Variants in NALF1 observed in about 807,000 individuals in gnomAD.
NALF1 encodes the protein family with sequence similarity 155 member A.
Under a neutral mutation model 48.4 loss-of-function variants are expected in NALF1, and 3 were observed. The observed-to-expected ratio is 0.06, with a 90% CI of 0.03 to 0.16. The LOEUF (loss-of-function observed/expected upper bound fraction) is 0.16, where lower values mean the gene tolerates loss of function less well. NALF1 is among the 10% of genes least tolerant of loss of function. NALF1 has a pLI of 1.00. For synonymous variants in NALF1, 262 were observed against 245.7 expected (o/e 1.07, Z -0.62); for missense variants, 526 against 571.5 (o/e 0.92, Z 0.81).
chr13:107,653,128 C>T lies in NALF1; in HGVS notation c.915+212554G>A, dbSNP rs529154880. ...TTAGACTACCATGAACAAAAATGAACATTTTTAAGTATTTGTAAGAACATG... is the reference window on the plus strand; with the variant it reads ...TTAGACTACCATGAACAAAAATGAATATTTTTAAGTATTTGTAAGAACATG... On this transcript the variant is annotated intron_variant, in intron 1 of 2. Coordinates refer to ENST00000375915, the MANE Select transcript of NALF1 (RefSeq NM_001080396.3). Among the ~76,000 whole-genome samples, 12 of 149,932 alleles carry T rather than the reference C, an allele frequency of 8.0e-5. No homozygotes were observed. The South Asian group carries it at 2.5e-3, about 31-fold the overall frequency.
intron 1 of NALF1, among the ~76,000 whole-genome samples, chr13:107,723,584 G>T (rs576645685): frequency 6.6e-6 from 1 of 152,270 alleles, no homozygotes; most frequent in East Asian, 1.9e-4. Context: ...ATAAGAAAAA[G>T]TCATCAGGAG....
chr13:107,358,928 A>G (rs1206147892), intron 1 of NALF1, among the ~76,000 whole-genome samples: 3 of 152,132 alleles, frequency 2.0e-5, no homozygotes, highest in Non-Finnish European at 4.4e-5. Flanking sequence ...TGAAAATGCC[A>G]CTGTTTTTTG....
intron 1 of NALF1, among the ~76,000 whole-genome samples, chr13:107,650,189 G>A (rs1880414227): frequency 6.6e-6 from 1 of 152,032 alleles, no homozygotes; most frequent in African/African-American, 2.4e-5. Context: ...ATAAGGTAAA[G>A]TCATTACAGA....
rs1185374109 is a variant in NALF1 at position 107,725,581 on chromosome 13, C to T, written c.915+140101G>A. ...CAAAAATTACCTGGGCGCAGAGGCG[C>T]ACGCCTGTAGTCCCAGCTACTTGAA... On this transcript the variant is annotated intron_variant, in intron 1 of 2. Coordinates refer to ENST00000375915, the MANE Select transcript of NALF1 (RefSeq NM_001080396.3). 2.6e-5 allele frequency among the ~76,000 whole-genome samples: 4 copies of T among 152,102 alleles called. No individual in the cohort carries two copies. The East Asian group carries it at 7.8e-4, about 30-fold the overall frequency.
At chr13:107,783,000 C>T (rs1169484581) in intron 1 of NALF1, among the ~76,000 whole-genome samples, 23 of 148,090 alleles carry the variant, frequency 1.6e-4, no homozygotes, top group Middle Eastern at 3.6e-3. Context: ...CCAGCCGCCC[C>T]GTCCGGGAGG....
At chr13:107,638,201 A>ATATATATATATGTATG (rs372122331) in intron 1 of NALF1, among the ~76,000 whole-genome samples, 10,330 of 110,736 alleles carry the variant, frequency 0.093, 1,213 homozygotes, top group East Asian at 0.36. Flanking sequence ...ATATATATAT[A>ATATATATATATGTATG]TATATAATTT....
At chr13:107,432,769 T>C (rs1219020622) in intron 1 of NALF1, among the ~76,000 whole-genome samples, 2 of 152,218 alleles carry the variant, frequency 1.3e-5, no homozygotes, top group Non-Finnish European at 2.9e-5. Context: ...CTGTTACCTA[T>C]GCTATCTTCA....
chr13:107,534,087 T>A (rs1364546404), intron 1 of NALF1, among the ~76,000 whole-genome samples: 2 of 151,974 alleles, frequency 1.3e-5, no homozygotes, highest in Non-Finnish European at 2.9e-5. Flanking sequence ...AAAAATGTGG[T>A]CATTGGCCCA....
intron 1 of NALF1, among the ~76,000 whole-genome samples, chr13:107,615,202 A>G (rs1034349329): frequency 9.2e-5 from 14 of 152,170 alleles, no homozygotes; most frequent in African/African-American, 2.7e-4. Flanking sequence ...TTATACATTC[A>G]TATTTTTTTC....
chr13:107,577,421 T>G (rs143652664), intron 1 of NALF1, among the ~76,000 whole-genome samples: 1 of 152,102 alleles, frequency 6.6e-6, no homozygotes, highest in African/African-American at 2.4e-5. Flanking sequence ...GAGACTAGCA[T>G]GCAAAACCAG....
intron 1 of NALF1, among the ~76,000 whole-genome samples, chr13:107,797,142 G>T: frequency 6.6e-6 from 1 of 152,132 alleles, no homozygotes; most frequent in African/African-American, 2.4e-5. Context: ...ACTCTGACAG[G>T]TGAGCATGGC....
chr13:107,456,626 A>G (rs549921643), intron 1 of NALF1, among the ~76,000 whole-genome samples: 1 of 152,146 alleles, frequency 6.6e-6, no homozygotes, highest in Non-Finnish European at 1.5e-5. Context: ...ATGATATGTA[A>G]TGTGCTGCCA....
intron 1 of NALF1, among the ~76,000 whole-genome samples, chr13:107,820,207 C>T (rs10508195): frequency 0.26 from 39,879 of 152,060 alleles, 6,611 homozygotes; most frequent in East Asian, 0.49. Flanking sequence ...AGATAGTATT[C>T]TGCATAAGGT....
rs183834826 is a variant in NALF1, at chr13:107,303,283, C to T, written c.916-92528G>A. On this transcript the variant is annotated intron_variant, in intron 1 of 2. Transcript: ENST00000375915. ...TCTTTATATATTGTGGATATTAAAT[C>T]ATCATCACAAAACTATAAAATAAAA... is the stretch of plus-strand genomic sequence containing the variant. Among the ~76,000 whole-genome samples the T allele has an allele frequency of 4.1e-3, 624 of 152,108 alleles. 7 individuals are homozygous for T. The highest frequency in any genetic ancestry group is 6.5e-3 in the Non-Finnish European group (445 of 67,998).
chr13:107,714,588 C>T (rs1875694010), intron 1 of NALF1, among the ~76,000 whole-genome samples: 1 of 145,866 alleles, frequency 6.9e-6, no homozygotes, highest in Non-Finnish European at 1.5e-5. Context: ...GAGATTGCAC[C>T]ACCGCACTCT....
intron 1 of NALF1, among the ~76,000 whole-genome samples, chr13:107,510,189 G>A (rs1266411180): frequency 6.6e-6 from 1 of 152,100 alleles, no homozygotes; most frequent in Admixed American, 6.6e-5. Flanking sequence ...TGTTTGTGAT[G>A]ATCATATTGC....
chr13:107,284,553 C>T (rs372969415), intron 1 of NALF1, among the ~76,000 whole-genome samples: 5 of 132,852 alleles, frequency 3.8e-5, no homozygotes, highest in African/African-American at 1.2e-4. Context: ...AATGTAACTG[C>T]TATGGACTGA....
At chr13:107,356,724 T>C (rs762487382) in intron 1 of NALF1, among the ~76,000 whole-genome samples, 1 of 152,214 alleles carries the variant, frequency 6.6e-6, no homozygotes, top group Non-Finnish European at 1.5e-5. Context: ...TTTTGAAGTT[T>C]ATGATTCAAC....
At chr13:107,310,442 C>G (rs898294486) in intron 1 of NALF1, among the ~76,000 whole-genome samples, 3 of 149,058 alleles carry the variant, frequency 2.0e-5, no homozygotes, top group Admixed American at 2.0e-4. Flanking sequence ...TCTCCTAAAA[C>G]ATTGAAAAAA....
Sources: gnomAD v4.1 joint callset for allele counts (sites outside exome capture counted in the v4.1 genomes callset) on GRCh38, gnomAD v4.1.1 for gene constraint, MANE v1.5 for transcripts, NCBI Gene and HGNC (gene_info 2026-07-23, HGNC 2026-07-21) for gene names.